WDR43: variants seen among roughly 807,000 people sequenced by gnomAD.
The protein encoded by WDR43 is WD repeat-containing protein 43.
A neutral mutation model predicts 91.4 loss-of-function variants in WDR43; 13 were observed. The ratio of observed to expected loss-of-function variants is 0.14; its 90% CI spans 0.09 to 0.23. The LOEUF (loss-of-function observed/expected upper bound fraction) is 0.23. Among genes scored for constraint, WDR43 ranks in the 10% least tolerant of loss-of-function variants. WDR43 has a pLI of 1.00. For synonymous variants in WDR43, 331 were observed against 287.9 expected, an observed-to-expected ratio of 1.15 and a Z score of -1.51; for missense variants, 780 against 809.4, an observed-to-expected ratio of 0.96 and a Z score of 0.44.
chr2:28,916,030 G>A (rs1670902432), intron 5 of WDR43, among the ~76,000 whole-genome samples: 1 of 152,174 alleles, frequency 6.6e-6, no homozygotes, highest in Non-Finnish European at 1.5e-5. Flanking sequence ...CTATATTGAA[G>A]TATAGTTGAC....
chr2:28,929,889 C>T (rs1671210249), intron 11 of WDR43, among the ~76,000 whole-genome samples, 179 bp downstream of exon 11: 1 of 152,056 alleles, frequency 6.6e-6, no homozygotes, highest in Non-Finnish European at 1.5e-5. Context: ...CACCAACCTA[C>T]AACGGGATTG....
intron 16 of WDR43, among the ~76,000 whole-genome samples, chr2:28,945,318 C>A (rs904509687): frequency 6.6e-6 from 1 of 152,184 alleles, no homozygotes; most frequent in African/African-American, 2.4e-5. Flanking sequence ...ATCCAATGCC[C>A]AGTTTATCTT....
intron 4 of WDR43, chr2:28,913,577 G>T (rs754488409): frequency 2.6e-5 from 12 of 465,928 alleles, no homozygotes; most frequent in Non-Finnish European, 4.8e-5. Context: ...CCAGCATTTA[G>T]TCCACTTACT....
intron 5 of WDR43, among the ~76,000 whole-genome samples, chr2:28,915,068 T>C (rs1265992218): frequency 1.3e-5 from 2 of 151,882 alleles, no homozygotes; most frequent in East Asian, 1.9e-4. Flanking sequence ...ATCTTAGTAA[T>C]AATTAGTTGA....
chr2:28,909,702 C>T (rs1263523100), intron 3 of WDR43, among the ~76,000 whole-genome samples: 1 of 152,006 alleles, frequency 6.6e-6, no homozygotes, highest in Non-Finnish European at 1.5e-5. Context: ...GTGAGAACCC[C>T]CTCTCTACAA....
chr2:28,942,845 G>A (rs1572605769), intron 16 of WDR43, among the ~76,000 whole-genome samples: 1 of 151,766 alleles, frequency 6.6e-6, no homozygotes, highest in East Asian at 1.9e-4. Flanking sequence ...TCAAACTCCT[G>A]GGCTCAAGTG....
At chr2:28,940,677 T>C (rs1184282559) in intron 14 of WDR43, among the ~76,000 whole-genome samples, 1 of 152,238 alleles carries the variant, frequency 6.6e-6, no homozygotes, top group Non-Finnish European at 1.5e-5. Flanking sequence ...TTGCTTTTTA[T>C]AGTTGATCTA....
At chr2:28,895,212 A>C in intron 1 of WDR43, 1 of 306,070 alleles carries the variant, frequency 3.3e-6, no homozygotes, top group African/African-American at 2.2e-5. Context: ...ATGTTCGCCA[A>C]GTCCCCTGGT....
intron 6 of WDR43, among the ~76,000 whole-genome samples, chr2:28,918,600 C>G (rs1449601716): frequency 6.6e-6 from 1 of 152,022 alleles, no homozygotes; most frequent in African/African-American, 2.4e-5. Context: ...AACTCCCCAC[C>G]TCAGGTGATC....
At chr2:28,931,933 G>C (rs1671255830) in intron 11 of WDR43, among the ~76,000 whole-genome samples, 1 of 144,922 alleles carries the variant, frequency 6.9e-6, no homozygotes, top group African/African-American at 2.6e-5. Context: ...GGCTGGAAGA[G>C]CAGTGTTGCA....
chr2:28,926,382 TTTG>T, intron 8 of WDR43, 83 bp from the exon 9 acceptor site: 1 of 968,102 alleles, frequency 1.0e-6, no homozygotes. Flanking sequence ...TATTTTTCAT[TTTG>T]TTCTTATTCC....
chr2:28,914,226 A>G lies in WDR43; in HGVS notation c.746+18A>G, dbSNP rs1201697321. ...AATGTCTGGTATGTAGTTCTTTTGG[A>G]TTTGGGAGGTAGCATTGAAAGAATC... On this transcript the variant is annotated intron_variant, in intron 5 of 17. Transcript: ENST00000407426. 1 of 1,602,946 alleles carries G rather than the reference A, an allele frequency of 6.2e-7. No homozygotes were observed. The highest frequency in any genetic ancestry group is 8.5e-7 in the Non-Finnish European group (1 of 1,175,374).
Position 28,917,913 on chromosome 2 carries a change from A to T in WDR43, c.767A>T (p.Lys256Ile). 6.3e-7 allele frequency: 1 copy of T among 1,583,964 alleles called. No individual in the cohort carries two copies. The highest frequency in any genetic ancestry group is 8.6e-7 in the Non-Finnish European group (1 of 1,164,050). The change falls in exon 6 of 18, where the codon AAA (lysine) becomes ATA (isoleucine). Residue 256 changes from lysine to isoleucine, a missense_variant. Lys to Ile is a moderately radical substitution (Grantham distance 102). Around this residue, in one of 4 missense-constraint regions of WDR43, gnomAD observed 174 missense variants for 207.3 expected, o/e 0.84. Coordinates refer to ENST00000407426, the MANE Select transcript of WDR43 (RefSeq NM_015131.3). ...LNVWQVRSENKEKSAVMSFTV... is the reference protein window; with the variant it reads ...LNVWQVRSENIEKSAVMSFTV... ...TCTAGGCAGGTCCGATCAGAAAACA[A>T]AGAAAAGAGTGCAGTGATGTCATTT...
intron 16 of WDR43, among the ~76,000 whole-genome samples, chr2:28,946,036 T>A (rs1423410605): frequency 6.6e-6 from 1 of 152,174 alleles, no homozygotes; most frequent in Non-Finnish European, 1.5e-5. Flanking sequence ...TATACTTTTA[T>A]ACATGTAAGA....
chr2:28,927,738 A>G (rs1037013867), intron 10 of WDR43, 38 bp downstream of exon 10: 58 of 1,609,054 alleles, frequency 3.6e-5, no homozygotes, highest in Non-Finnish European at 4.8e-5. Flanking sequence ...TGAGTTTGTG[A>G]TTTAAAATTA....
chr2:28,899,474 A>G (rs1670541632), intron 1 of WDR43, among the ~76,000 whole-genome samples: 1 of 152,164 alleles, frequency 6.6e-6, no homozygotes, highest in Non-Finnish European at 1.5e-5. Context: ...AAATAGGAAA[A>G]TGGGTGTATA....
chr2:28,946,508 T>C lies in WDR43; in HGVS notation c.1854+9T>C. ...CAGATAAGGATTCTGAAGTGAGTGA[T>C]TTGTTCCCTGTATATACATCGGCCT... is the stretch of plus-strand genomic sequence containing the variant. On this transcript the variant is annotated intron_variant, in intron 17 of 17. Transcript: ENST00000407426. 2 of 1,609,458 alleles carry C rather than the reference T, an allele frequency of 1.2e-6. No individual in the cohort carries two copies. The highest frequency in any genetic ancestry group is 1.7e-6 in the Non-Finnish European group (2 of 1,177,244).
At chr2:28,910,990 G>A (rs916551037) in intron 3 of WDR43, among the ~76,000 whole-genome samples, 1 of 151,776 alleles carries the variant, frequency 6.6e-6, no homozygotes, top group African/African-American at 2.4e-5. Flanking sequence ...GAGCCACTGC[G>A]CCTGGCCACT....
chr2:28,932,406 G>A (rs910637168), intron 11 of WDR43, among the ~76,000 whole-genome samples: 3 of 152,086 alleles, frequency 2.0e-5, no homozygotes, highest in African/African-American at 7.2e-5. Context: ...CCGGTCACCT[G>A]CCCCTCTTGG....
Sources: gnomAD v4.1 joint callset for allele counts (sites outside exome capture counted in the v4.1 genomes callset) on GRCh38, gnomAD v4.1.1 for gene constraint, gnomAD v4.1.1 regional missense constraint, MANE v1.5 for transcripts, NCBI Gene and HGNC (gene_info 2026-07-23, HGNC 2026-07-21) for gene names.